The following B3GALNT2 variants were observed in gnomAD, a reference collection of about 807,000 sequenced individuals.
B3GALNT2 encodes beta-1,3-N-acetylgalactosaminyltransferase 2, also known as UDP-GalNAc:beta-1,3-N-acetylgalactosaminyltransferase 2.
Under a neutral mutation model 61.1 loss-of-function variants are expected in B3GALNT2, and 53 were observed. That is an observed-to-expected ratio of 0.87 (90% CI 0.70 to 1.09). B3GALNT2 has a LOEUF of 1.09. Among genes scored for constraint, B3GALNT2 ranks in the 50% least tolerant of loss-of-function variants. The probability of loss-of-function intolerance (pLI) is 0.00; values close to 1 mark genes in which losing one functional copy is unlikely to be tolerated. For synonymous variants in B3GALNT2, 223 were observed against 237.4 expected (o/e 0.94, Z 0.56); for missense variants, 544 against 623.0 (o/e 0.87, Z 1.35).
At chr1:235,495,851 G>A (rs190548740) in intron 1 of B3GALNT2, among the ~76,000 whole-genome samples, 197 of 152,062 alleles carry the variant, frequency 1.3e-3, no homozygotes, top group Non-Finnish European at 1.9e-3. Context: ...ATATACCATG[G>A]GATCTAGGTA....
chr1:235,446,293 C>A (rs545427962), downstream of B3GALNT2, among the ~76,000 whole-genome samples: 2 of 152,264 alleles, frequency 1.3e-5, no homozygotes, highest in African/African-American at 2.4e-5. Flanking sequence ...CTCCCGGCCT[C>A]AGCTTCCCAA....
At chr1:235,458,535 C>T in intron 8 of B3GALNT2, 68 bp downstream of exon 8, 1 of 1,517,646 alleles carries the variant, frequency 6.6e-7, no homozygotes, top group Non-Finnish European at 8.8e-7. Context: ...CCTAGTAAGA[C>T]CCCATCTCAA....
At chr1:235,465,093 T>C (rs1683620468) in intron 7 of B3GALNT2, 1 of 152,320 alleles carries the variant, frequency 6.6e-6, no homozygotes, top group Non-Finnish European at 1.5e-5. Flanking sequence ...AATGGAAATA[T>C]ATGACCACAC....
At position 235,474,987 on chromosome 1, in the gene B3GALNT2, ATTT is replaced by A. The variant is rs1160445883; in HGVS notation, c.652-4030_652-4028del. Among the ~76,000 whole-genome samples the A allele has an allele frequency of 6.8e-3, 242 of 35,356 alleles. 1 individual carries two copies. Among genetic ancestry groups the A allele is most frequent in the South Asian group, 0.012 (10 of 836 alleles). 23.2% of individuals were successfully genotyped at this position (35,356 alleles called of 152,430 possible). ...TATATATATATATATATATATATAT[ATTT>A]TTTTTTTTTTTTTTTTTTTTGAGAC... is the stretch of plus-strand genomic sequence containing the variant. On this transcript the variant is annotated intron_variant, in intron 5 of 11. Transcript: ENST00000366600.
At chr1:235,479,819 G>T in intron 5 of B3GALNT2, 1 of 433,114 alleles carries the variant, frequency 2.3e-6, no homozygotes, top group Non-Finnish European at 3.9e-6. Context: ...ATAAACTACG[G>T]AAACATGCAA....
Position 235,480,071 on chromosome 1 carries a change from G to T in B3GALNT2, c.634C>A (p.Gln212Lys). Reference protein sequence around the residue: ...VNKLWYKPVEQFILPESFEGT... With the variant: ...VNKLWYKPVEKFILPESFEGT... The stretch of plus-strand genomic sequence containing the variant: ...TCCTGTACCTCTGGTAAGATGAATT[G>T]TTCCACGGGCTTGTACCACAGCTTG... The change falls in exon 5 of 12, where the codon CAA (glutamine) becomes AAA (lysine). Residue 212 changes from glutamine (Q) to lysine (K), a missense_variant. Gln to Lys is a moderately conservative substitution (Grantham distance 53, BLOSUM62 1). Transcript: ENST00000366600. 1.2e-6 allele frequency: 2 copies of T among 1,613,906 alleles called. No individual in the cohort carries two copies. Among genetic ancestry groups the T allele is most frequent in the South Asian group, 1.1e-5 (1 of 91,074 alleles).
intron 4 of B3GALNT2, among the ~76,000 whole-genome samples, chr1:235,481,358 T>C (rs956792011): frequency 2.6e-5 from 4 of 152,174 alleles, no homozygotes; most frequent in African/African-American, 9.7e-5. Flanking sequence ...GTTTTGTTTT[T>C]TGAGACAGTC....
intron 1 of B3GALNT2, among the ~76,000 whole-genome samples, chr1:235,501,244 CCT>C (rs1470309563): frequency 1.3e-5 from 2 of 152,176 alleles, no homozygotes; most frequent in African/African-American, 4.8e-5. Context: ...CCTGCATTTT[CCT>C]CTGTCACCCT....
chr1:235,462,609 A>G (rs1683486934), intron 7 of B3GALNT2, among the ~76,000 whole-genome samples: 1 of 152,250 alleles, frequency 6.6e-6, no homozygotes, highest in African/African-American at 2.4e-5. Context: ...AAACAATTCC[A>G]CTTACAACAG....
chr1:235,477,134 C>T (rs1201577989), intron 5 of B3GALNT2, among the ~76,000 whole-genome samples: 1 of 152,150 alleles, frequency 6.6e-6, no homozygotes, highest in East Asian at 1.9e-4. Flanking sequence ...TACCCACTGC[C>T]AGATATACCA....
intron 5 of B3GALNT2, among the ~76,000 whole-genome samples, chr1:235,477,556 T>G (rs181927638): frequency 6.7e-6 from 1 of 149,586 alleles, no homozygotes; most frequent in African/African-American, 2.5e-5. Flanking sequence ...GACTTTCTTT[T>G]GGAATACAGT....
intron 9 of B3GALNT2, 58 bp downstream of exon 9, chr1:235,455,501 T>C: frequency 6.5e-7 from 1 of 1,542,316 alleles, no homozygotes; most frequent in East Asian, 2.2e-5. Context: ...TTTTATGCTT[T>C]ATTAATTACA....
intron 1 of B3GALNT2, 63 bp from the exon 2 acceptor site, chr1:235,494,891 TATC>T (rs1413082549): frequency 2.2e-6 from 3 of 1,364,092 alleles, no homozygotes; most frequent in Non-Finnish European, 3.0e-6. Context: ...GTTCAATATG[TATC>T]ATAAGTTTAT....
intron 2 of B3GALNT2, among the ~76,000 whole-genome samples, chr1:235,490,515 G>C (rs1299191284): frequency 6.6e-6 from 1 of 152,164 alleles, no homozygotes; most frequent in Non-Finnish European, 1.5e-5. Flanking sequence ...ACAGGTGTGA[G>C]CCACTGTGTC....
intron 8 of B3GALNT2, among the ~76,000 whole-genome samples, chr1:235,456,033 C>T (rs559178546): frequency 6.6e-6 from 1 of 152,310 alleles, no homozygotes; most frequent in South Asian, 2.1e-4. Context: ...CTGAACCTTG[C>T]CCCGTGTGTT....
In B3GALNT2 at chr1:235,449,160, G is replaced by T; in HGVS notation, c.*1046C>A. The stretch of plus-strand genomic sequence containing the variant: ...TTTAAAGGGTTACTAGAAATGATTT[G>T]GTTGGTCATTTTGGGAAATGTCCCT... On this transcript the variant is annotated 3_prime_UTR_variant, in exon 12 of 12. Transcript: ENST00000366600. The T allele has an allele frequency of 4.1e-6, 1 of 244,458 alleles. No individual in the cohort carries two copies. Among genetic ancestry groups the T allele is most frequent in the Non-Finnish European group, 8.1e-6 (1 of 123,944 alleles). 15.1% of individuals were successfully genotyped at this position (244,458 alleles called of 1,614,324 possible).
At chr1:235,467,124 G>A (rs908800504) in intron 6 of B3GALNT2, among the ~76,000 whole-genome samples, 2 of 152,062 alleles carry the variant, frequency 1.3e-5, no homozygotes, top group Non-Finnish European at 2.9e-5. Flanking sequence ...GGAGGCGGGC[G>A]GATCACGAGG....
chr1:235,442,838 T>G (rs370623097), downstream of B3GALNT2: 1 of 1,613,480 alleles, frequency 6.2e-7, no homozygotes, highest in East Asian at 2.2e-5. Flanking sequence ...TCTTTTTCTT[T>G]GTTTCTCTTA....
intron 10 of B3GALNT2, 106 bp downstream of exon 10, chr1:235,454,050 G>T: frequency 9.5e-7 from 1 of 1,057,292 alleles, no homozygotes; most frequent in Non-Finnish European, 1.3e-6. Flanking sequence ...TGTTACCCAG[G>T]CTGGTCTTGA....
Sources: gnomAD v4.1 joint callset for allele counts (sites outside exome capture counted in the v4.1 genomes callset) on GRCh38, gnomAD v4.1.1 for gene constraint, MANE v1.5 for transcripts, NCBI Gene and HGNC (gene_info 2026-07-23, HGNC 2026-07-21) for gene names.